The following PKM variants were observed in gnomAD, a reference collection of about 807,000 sequenced individuals.
PKM encodes the protein pyruvate kinase M1/2.
A neutral mutation model predicts 49.8 loss-of-function variants in PKM; 18 were observed. The observed-to-expected ratio is 0.36, with a 90% CI of 0.25 to 0.54. PKM has a LOEUF of 0.54. Ranked by LOEUF, PKM falls within the 20% of genes least tolerant of loss-of-function variation. The pLI is 0.89. For missense variants in PKM, 508 were observed against 713.8 expected (o/e 0.71, Z 3.28); for synonymous variants, 239 against 261.8 (o/e 0.91, Z 0.84).
At chr15:72,225,505 T>C (rs1424415178) in intron 1 of PKM, among the ~76,000 whole-genome samples, 1 of 152,154 alleles carries the variant, frequency 6.6e-6, no homozygotes, top group African/African-American at 2.4e-5. Context: ...TGACACCCAA[T>C]CACTGTCATG....
intron 8 of PKM, among the ~76,000 whole-genome samples, chr15:72,205,926 C>G (rs2082065690): frequency 6.6e-6 from 1 of 152,184 alleles, no homozygotes; most frequent in Admixed American, 6.5e-5. Flanking sequence ...GCCTCCAACC[C>G]TGAGCAGTGG....
intron 1 of PKM, among the ~76,000 whole-genome samples, chr15:72,219,914 A>C: frequency 6.6e-6 from 1 of 152,210 alleles, no homozygotes; most frequent in East Asian, 1.9e-4. Flanking sequence ...CAAGTATACC[A>C]CCACTCTGTA....
At chr15:72,203,275 A>T (rs1397955657) in intron 8 of PKM, 1 of 1,188,472 alleles carries the variant, frequency 8.4e-7, no homozygotes, top group Admixed American at 1.7e-5. Flanking sequence ...CAGAATGGGG[A>T]ATTTATCAGA....
At chr15:72,206,352 G>C (rs1397606506) in intron 8 of PKM, 1 of 266,654 alleles carries the variant, frequency 3.8e-6, no homozygotes, top group African/African-American at 2.2e-5. Flanking sequence ...ATAGGGCAAA[G>C]GTACTCAGAA....
Position 72,202,282 on chromosome 15 carries a change from G to A in PKM, c.1307+172C>T, listed in dbSNP as rs2081963686. On this transcript the variant is annotated intron_variant, in intron 9 of 10. Transcript: ENST00000335181. The surrounding 1 kb of genome is among the most constrained non-coding windows in gnomAD (Gnocchi z 4.5). ...TATGAGTGCTACCTAGAGTCCTTTG[G>A]GCCCAGGGAAGGGGCTCTGCTCAAT... 1.5e-6 allele frequency: 1 copy of A among 671,528 alleles called. No individual in the cohort carries two copies. Among genetic ancestry groups the A allele is most frequent in the Non-Finnish European group, 2.6e-6 (1 of 380,430 alleles). The allele number at this position is 671,528 out of a possible 1,614,324, so 41.6% of individuals were successfully genotyped here.
At chr15:72,231,302 G>A (rs529759348), upstream of PKM, 42 of 156,638 alleles carry the variant, frequency 2.7e-4, no homozygotes, top group South Asian at 5.9e-3. Context: ...CCCGCCCCCT[G>A]CGTCCCCGCG....
In PKM at chr15:72,199,123, T is replaced by G. The variant is rs1596708684; in HGVS notation, c.*527A>C. Reference sequence around the variant, plus strand: ...GTGGGGGAAAATGGAAGGTGGAGGGTGGAGTGTTTGCTGCAGGACAGCTGA... The same window carrying G: ...GTGGGGGAAAATGGAAGGTGGAGGGGGGAGTGTTTGCTGCAGGACAGCTGA... On this transcript the variant is annotated 3_prime_UTR_variant, in exon 11 of 11. Coordinates refer to ENST00000335181, the MANE Select transcript of PKM (RefSeq NM_002654.6). The G allele has an allele frequency of 1.1e-5, 3 of 283,574 alleles. No individual in the cohort carries two copies. Among genetic ancestry groups the G allele is most frequent in the African/African-American group, 2.2e-5 (1 of 44,820 alleles). 17.6% of individuals were successfully genotyped at this position (283,574 alleles called of 1,614,324 possible). A position where few individuals can be genotyped will look rare whatever the true frequency, so the allele number is the denominator to read the frequency against.
chr15:72,202,363 A>G lies in PKM; in HGVS notation c.1307+91T>C. ...AGGGGTCTTACCTTGGCTCAGTGCC[A>G]CCTGAGCATTGTTCAATGGACTGCT... On this transcript the variant is annotated intron_variant, in intron 9 of 10. Coordinates refer to ENST00000335181, the MANE Select transcript of PKM (RefSeq NM_002654.6). The surrounding 1 kb of genome is among the most constrained non-coding windows in gnomAD (Gnocchi z 4.5). 1 of 1,330,332 alleles carries G rather than the reference A, an allele frequency of 7.5e-7. No individual in the cohort carries two copies. The highest frequency in any genetic ancestry group is 2.5e-5 in the East Asian group (1 of 40,466). 82.4% of individuals were successfully genotyped at this position (1,330,332 alleles called of 1,614,324 possible). A position where few individuals can be genotyped will look rare whatever the true frequency, so the allele number is the denominator to read the frequency against.
At chr15:72,225,819 G>C (rs906241364) in intron 1 of PKM, among the ~76,000 whole-genome samples, 1 of 152,180 alleles carries the variant, frequency 6.6e-6, no homozygotes, top group Non-Finnish European at 1.5e-5. Context: ...TACTCTTGTA[G>C]TACATGTCTC....
intron 1 of PKM, among the ~76,000 whole-genome samples, chr15:72,227,068 T>C (rs2082691223): frequency 6.6e-6 from 1 of 152,200 alleles, no homozygotes; most frequent in African/African-American, 2.4e-5. Flanking sequence ...AAGTCCCAAG[T>C]ATTTAAATTA....
At chr15:72,206,465 T>C (rs993154240) in intron 8 of PKM, 4 of 518,162 alleles carry the variant, frequency 7.7e-6, no homozygotes, top group African/African-American at 5.8e-5. Flanking sequence ...AGAAGTGAAA[T>C]AAACTGTGTG....
rs533060872 is a variant in PKM, at chr15:72,212,558, G to A, written c.247-2080C>T. Among the ~76,000 whole-genome samples the A allele has an allele frequency of 5.3e-5, 8 of 152,004 alleles. No homozygotes were observed. In the East Asian group the frequency reaches 1.2e-3, roughly 22 times the overall value. ...GTGGTGCCTTTCCTTCAGAGTTGAC[G>A]TGAGGAGTAAAAGAATACATGAAGT... is the stretch of plus-strand genomic sequence containing the variant. On this transcript the variant is annotated intron_variant, in intron 3 of 10. Transcript: ENST00000335181.
At chr15:72,217,359 C>T (rs1272856140) in intron 3 of PKM, 50 bp downstream of exon 3, 2 of 1,097,652 alleles carry the variant, frequency 1.8e-6, no homozygotes, top group Admixed American at 3.4e-5. Flanking sequence ...CACCCCCTCC[C>T]TGTTTCCTAC....
At position 72,202,662 on chromosome 15, in the gene PKM, G is replaced by C. The variant is rs926798739; in HGVS notation, c.1141-42C>G. 7.1e-6 allele frequency: 11 copies of C among 1,553,940 alleles called. No homozygotes were observed. The highest frequency in any genetic ancestry group is 1.7e-4 in the Middle Eastern group (1 of 5,952). On this transcript the variant is annotated intron_variant, in intron 8 of 10. Coordinates refer to ENST00000335181, the MANE Select transcript of PKM (RefSeq NM_002654.6). This position sits in a 1 kb window ranked among gnomAD's most constrained non-coding sequence, Gnocchi z 4.5. ...CGTCCAGAGGGACGAGAGGGGGACA[G>C]AGCTTTGTCAGAGCTTTGTCACAAA... is the stretch of plus-strand genomic sequence containing the variant.
chr15:72,212,831 G>A (rs2082287695), intron 3 of PKM, among the ~76,000 whole-genome samples: 1 of 152,150 alleles, frequency 6.6e-6, no homozygotes, highest in African/African-American at 2.4e-5. Flanking sequence ...CAGCACTTTG[G>A]GAGGCCGAGG....
intron 4 of PKM, chr15:72,210,076 AG>A (rs2082210434): frequency 1.6e-6 from 1 of 618,464 alleles, no homozygotes. Flanking sequence ...ATGGGGAAAA[AG>A]ATACAAAGAG....
intron 1 of PKM, among the ~76,000 whole-genome samples, chr15:72,225,840 G>GT (rs2082653078): frequency 6.6e-6 from 1 of 152,186 alleles, no homozygotes; most frequent in Admixed American, 6.5e-5. Flanking sequence ...CCTGTACTGT[G>GT]TGAGTTTCTA....
upstream of PKM, chr15:72,231,307 C>T (rs372787806): frequency 3.4e-4 from 54 of 156,888 alleles, no homozygotes; most frequent in African/African-American, 1.2e-3. Context: ...CCCCTGCGTC[C>T]CCGCGGGCGC....
chr15:72,211,065 C>CTTT (rs1471537896), intron 3 of PKM, among the ~76,000 whole-genome samples: 3 of 151,026 alleles, frequency 2.0e-5, no homozygotes, highest in African/African-American at 7.3e-5. Context: ...TTCTCAATCG[C>CTTT]TTTGTTTTTT....
Sources: gnomAD v4.1 joint callset for allele counts (sites outside exome capture counted in the v4.1 genomes callset) on GRCh38, gnomAD v4.1.1 for gene constraint, Gnocchi (gnomAD v3.1) non-coding constraint, MANE v1.5 for transcripts, NCBI Gene and HGNC (gene_info 2026-07-23, HGNC 2026-07-21) for gene names.